The following PIEZO2 variants were observed in gnomAD, a reference collection of about 807,000 sequenced individuals.
The protein encoded by PIEZO2 is piezo-type mechanosensitive ion channel component 2.
Under a neutral mutation model 337.3 loss-of-function variants are expected in PIEZO2, and 172 were observed. The ratio of observed to expected loss-of-function variants is 0.51; its 90% CI spans 0.45 to 0.58. PIEZO2 has a LOEUF of 0.58. PIEZO2 is among the 20% of genes least tolerant of loss of function. PIEZO2 has a pLI of 0.00. For synonymous variants in PIEZO2, 1,251 were observed against 1,228.5 expected (o/e 1.02, Z -0.38); for missense variants, 3,028 against 3,391.3 (o/e 0.89, Z 2.66).
intron 3 of PIEZO2, among the ~76,000 whole-genome samples, chr18:10,944,712 A>T (rs916915361): frequency 6.6e-6 from 1 of 151,980 alleles, no homozygotes; most frequent in Non-Finnish European, 1.5e-5. Flanking sequence ...ATATCTTGAA[A>T]TTGATGAGAC....
chr18:10,770,897 A>C (rs1261163273), intron 20 of PIEZO2, among the ~76,000 whole-genome samples: 1 of 151,876 alleles, frequency 6.6e-6, no homozygotes, highest in Non-Finnish European at 1.5e-5. Context: ...TGCCCAGCTA[A>C]TTTTTGTATT....
chr18:10,826,786 C>T (rs1443779455), intron 7 of PIEZO2, among the ~76,000 whole-genome samples: 2 of 152,160 alleles, frequency 1.3e-5, no homozygotes, highest in African/African-American at 2.4e-5. Flanking sequence ...TATAGTGTTG[C>T]GTATTCACCA....
chr18:10,857,632 T>C (rs75795702), intron 5 of PIEZO2, among the ~76,000 whole-genome samples: 2,783 of 152,350 alleles, frequency 0.018, 86 homozygotes, highest in African/African-American at 0.063. Flanking sequence ...GTCCAATCAA[T>C]GCTTAGGAAA....
intron 1 of PIEZO2, among the ~76,000 whole-genome samples, chr18:11,066,977 A>C (rs1052645164): frequency 4.6e-5 from 7 of 152,240 alleles, no homozygotes; most frequent in African/African-American, 1.7e-4. Flanking sequence ...AAAATGCTTT[A>C]TGCAAGCCTC....
Position 10,903,083 on chromosome 18 carries a change from C to G in PIEZO2, c.329+8103G>C, listed in dbSNP as rs1278378419. ...GGGAGGCACCAACCCATGGGCTGTA[C>G]TCATTCCAGAATCCTTCCTCCCCTA... On this transcript the variant is annotated intron_variant, in intron 4 of 55. Coordinates refer to ENST00000674853, the MANE Select transcript of PIEZO2 (RefSeq NM_001378183.1). This position sits in a 1 kb window ranked among gnomAD's most constrained non-coding sequence, Gnocchi z 4.1. Among the ~76,000 whole-genome samples, 1 of 152,052 alleles carries G rather than the reference C, an allele frequency of 6.6e-6. No individual in the cohort carries two copies. Among genetic ancestry groups the G allele is most frequent in the Non-Finnish European group, 1.5e-5 (1 of 67,984 alleles).
intron 36 of PIEZO2, among the ~76,000 whole-genome samples, chr18:10,719,554 A>G (rs1302058600): frequency 6.6e-6 from 1 of 152,222 alleles, no homozygotes; most frequent in Non-Finnish European, 1.5e-5. Flanking sequence ...GTAGTATTCC[A>G]TGACATATAC....
chr18:10,731,177 TTATATATATATATATA>T lies in PIEZO2; in HGVS notation c.5029+214_5029+229del, dbSNP rs60508630. On this transcript the variant is annotated intron_variant, in intron 36 of 55. Transcript: ENST00000674853. ...CTCTCCTTTTTTCCTACTTAAAAGA[TTATATATATATATATA>T]TATATATATATATATATATATATAT... Among the ~76,000 whole-genome samples the T allele has an allele frequency of 1.6e-3, 58 of 35,242 alleles. 2 individuals carry two copies. In the South Asian group the frequency reaches 0.025, roughly 15 times the overall value. The allele number at this position is 35,242 out of a possible 152,430, so 23.1% of individuals were successfully genotyped here.
chr18:10,733,870 A>G (rs1193268171), intron 35 of PIEZO2, among the ~76,000 whole-genome samples: 2 of 152,146 alleles, frequency 1.3e-5, no homozygotes, highest in Non-Finnish European at 2.9e-5. Context: ...TACATGAAAG[A>G]CCTTTGAGCT....
chr18:10,917,995 G>GA (rs1478738289), intron 3 of PIEZO2, among the ~76,000 whole-genome samples: 1 of 152,110 alleles, frequency 6.6e-6, no homozygotes, highest in East Asian at 1.9e-4. Context: ...AATTCTAAGA[G>GA]AAAAATAGAT....
intron 22 of PIEZO2, 85 bp downstream of exon 22, chr18:10,762,836 AT>A: frequency 6.9e-7 from 1 of 1,446,664 alleles, no homozygotes; most frequent in Non-Finnish European, 9.2e-7. Context: ...GTCAGGCCAA[AT>A]GTGCTTGGGG....
rs140163867 is a variant in PIEZO2, at chr18:11,133,763, G to A, written c.64+14762C>T. On this transcript the variant is annotated intron_variant, in intron 1 of 55. Coordinates refer to ENST00000674853, the MANE Select transcript of PIEZO2 (RefSeq NM_001378183.1). ...CAGTCTATTGTGGGAACTTGTGATC[G>A]CGTAAGTTAATACTTAATAAACTCC... Among the ~76,000 whole-genome samples the A allele has an allele frequency of 6.5e-4, 99 of 151,544 alleles. No individual in the cohort carries two copies. In the East Asian group the frequency reaches 0.015, roughly 23 times the overall value.
In PIEZO2 at chr18:10,962,775, G is replaced by T. The variant is rs2033836985; in HGVS notation, c.286+16760C>A. Among the ~76,000 whole-genome samples the T allele has an allele frequency of 1.3e-5, 2 of 152,122 alleles. No individual in the cohort carries two copies. Among genetic ancestry groups the T allele is most frequent in the African/African-American group, 2.4e-5 (1 of 41,432 alleles). ...TCATTTAGCCTCTTTAAATGGAAGG[G>T]TCATGGCTGCTAAGGCCCTTTCCAG... is the stretch of plus-strand genomic sequence containing the variant. On this transcript the variant is annotated intron_variant, in intron 3 of 55. Transcript: ENST00000674853. The surrounding 1 kb of genome is among the most constrained non-coding windows in gnomAD (Gnocchi z 4.1).
chr18:10,726,451 C>T lies in PIEZO2; in HGVS notation c.5029+4956G>A. On this transcript the variant is annotated intron_variant, in intron 36 of 55. Transcript: ENST00000674853. This position sits in a 1 kb window ranked among gnomAD's most constrained non-coding sequence, Gnocchi z 5.9. Reference sequence around the variant, plus strand: ...CGGCTGCGGTACGGGCTACGGCCGGCGAACCCCACGAGGAGGGCCTGGCCA... The same window carrying T: ...CGGCTGCGGTACGGGCTACGGCCGGTGAACCCCACGAGGAGGGCCTGGCCA... 1 of 1,529,140 alleles carries T rather than the reference C, an allele frequency of 6.5e-7. No individual in the cohort carries two copies. The highest frequency in any genetic ancestry group is 2.5e-5 in the East Asian group (1 of 40,730). 94.7% of individuals were successfully genotyped at this position (1,529,140 alleles called of 1,614,324 possible).
chr18:10,726,634 TGC>T lies in PIEZO2; in HGVS notation c.5029+4771_5029+4772del, dbSNP rs1288957143. On this transcript the variant is annotated intron_variant, in intron 36 of 55. Transcript: ENST00000674853. This position sits in a 1 kb window ranked among gnomAD's most constrained non-coding sequence, Gnocchi z 5.9. ...GGACGCCGACGTGCGCTGGGAGTACTGCGCGCGCGCCAAGCGCGGCCAGACAG... is the reference window on the plus strand; with the variant it reads ...GGACGCCGACGTGCGCTGGGAGTACTGCGCGCGCCAAGCGCGGCCAGACAG... The T allele has an allele frequency of 6.5e-6, 9 of 1,392,344 alleles. No individual in the cohort carries two copies. The highest frequency in any genetic ancestry group is 6.8e-6 in the Non-Finnish European group (7 of 1,034,152). The allele number at this position is 1,392,344 out of a possible 1,614,324, so 86.2% of individuals were successfully genotyped here.
At chr18:10,757,389 G>A (rs1197014595) in intron 27 of PIEZO2, among the ~76,000 whole-genome samples, 1 of 149,870 alleles carries the variant, frequency 6.7e-6, no homozygotes, top group Middle Eastern at 3.2e-3. Context: ...AATGAGAGAT[G>A]GGGGATGAGA....
At chr18:10,733,253 C>T (rs879741807) in intron 35 of PIEZO2, among the ~76,000 whole-genome samples, 47 of 152,010 alleles carry the variant, frequency 3.1e-4, no homozygotes. Context: ...CTGGGGAAAA[C>T]GGAGAGAGGA....
chr18:11,091,397 AAAG>A (rs1342538277), intron 1 of PIEZO2, among the ~76,000 whole-genome samples: 10 of 149,660 alleles, frequency 6.7e-5, no homozygotes, highest in Admixed American at 5.3e-4. Context: ...AAAAAAAAAA[AAAG>A]AAAAAAAGAA....
chr18:11,066,218 A>G lies in PIEZO2; in HGVS notation c.69T>C (p.Cys23=). The change falls in exon 2 of 56, where the codon TGT becomes TGC. Residue 23 remains cysteine (C), a synonymous_variant. Coordinates refer to ENST00000674853, the MANE Select transcript of PIEZO2 (RefSeq NM_001378183.1). ...AGGAGAGCCCATTGTATCGGAATGCACATGCTGTGGGTGGGAAGAGAGAAG... is the reference window on the plus strand; with the variant it reads ...AGGAGAGCCCATTGTATCGGAATGCGCATGCTGTGGGTGGGAAGAGAGAAG... The part of the protein sequence containing the change: ...LLLPICLAVA[C]AFRYNGLSFV... The G allele has an allele frequency of 6.5e-7, 1 of 1,536,012 alleles. No individual in the cohort carries two copies.
chr18:10,742,834 C>T (rs553438675), intron 31 of PIEZO2, among the ~76,000 whole-genome samples: 2 of 147,296 alleles, frequency 1.4e-5, no homozygotes, highest in South Asian at 4.4e-4. Context: ...GTGTGTATTC[C>T]CATGTTATTT....
Sources: gnomAD v4.1 joint callset for allele counts (sites outside exome capture counted in the v4.1 genomes callset) on GRCh38, gnomAD v4.1.1 for gene constraint, Gnocchi (gnomAD v3.1) non-coding constraint, MANE v1.5 for transcripts, NCBI Gene and HGNC (gene_info 2026-07-23, HGNC 2026-07-21) for gene names.